The following SUMF1 variants were observed in gnomAD, a reference collection of about 807,000 sequenced individuals.
SUMF1 encodes sulfatase modifying factor 1.
A neutral mutation model predicts 47.6 loss-of-function variants in SUMF1; 48 were observed. The observed-to-expected ratio is 1.01, with a 90% CI of 0.80 to 1.28. The LOEUF is 1.28. Ranked by LOEUF, SUMF1 falls within the 50% of genes most tolerant of loss-of-function variation. The pLI, the probability that SUMF1 is intolerant of heterozygous loss-of-function variation, is 0.00. For missense variants in SUMF1, 571 were observed against 485.4 expected (o/e 1.18, Z -1.66); for synonymous variants, 230 against 192.1 (o/e 1.20, Z -1.63).
intron 9 of SUMF1, among the ~76,000 whole-genome samples, chr3:4,037,429 T>A (rs1694819193): frequency 6.6e-6 from 1 of 152,148 alleles, no homozygotes; most frequent in Admixed American, 6.6e-5. Flanking sequence ...TACATCGGAA[T>A]AAAATTTCAC....
rs112048040 is a variant in SUMF1, at chr3:4,121,058, A to C, written c.1015-52313T>G. ...TTACCGGATGGAAAAACACTGGACC[A>C]GACTTCAGACCAGGGTAATAAACAG... On this transcript the variant is annotated intron_variant and NMD_transcript_variant, in intron 8 of 12. Transcript: ENST00000448413. 5.3e-5 allele frequency among the ~76,000 whole-genome samples: 8 copies of C among 152,304 alleles called. 1 individual carries two copies. Among genetic ancestry groups the C allele is most frequent in the African/African-American group, 1.9e-4 (8 of 41,574 alleles).
chr3:4,437,540 T>C (rs1473325312), intron 3 of SUMF1, among the ~76,000 whole-genome samples: 2 of 152,106 alleles, frequency 1.3e-5, no homozygotes, highest in Admixed American at 6.6e-5. Context: ...ACAATAAATA[T>C]AAAAGAACTA....
intron 8 of SUMF1, among the ~76,000 whole-genome samples, chr3:4,196,815 A>G (rs1257484079): frequency 2.0e-5 from 3 of 152,152 alleles, no homozygotes; most frequent in Non-Finnish European, 4.4e-5. Context: ...GAGATTAAAT[A>G]CTAGGGAACC....
At chr3:4,377,770 G>A (rs1267016379) in intron 7 of SUMF1, among the ~76,000 whole-genome samples, 2 of 152,192 alleles carry the variant, frequency 1.3e-5, no homozygotes, top group East Asian at 3.8e-4. Context: ...TAATAAGCCA[G>A]AACCGTATCA....
In SUMF1 at chr3:4,292,878, T is replaced by C. The variant is rs981181266; in HGVS notation, c.1014+83452A>G. On this transcript the variant is annotated intron_variant and NMD_transcript_variant, in intron 8 of 12. Transcript: ENST00000448413. ...CACATATTTCATCTGCAGTGAGAAG[T>C]GGTTTCCTGTGTCATTAACCCTGTA... Among the ~76,000 whole-genome samples the C allele has an allele frequency of 5.3e-5, 8 of 152,182 alleles. No individual in the cohort carries two copies. In the South Asian group the frequency reaches 8.3e-4, roughly 16 times the overall value.
intron 8 of SUMF1, among the ~76,000 whole-genome samples, chr3:4,315,281 A>G (rs1194309676): frequency 2.0e-5 from 3 of 152,078 alleles, no homozygotes; most frequent in Non-Finnish European, 4.4e-5. Flanking sequence ...AGCTCACCTA[A>G]TAACTGAGCT....
chr3:4,358,175 T>G (rs1228694226), downstream of SUMF1, among the ~76,000 whole-genome samples: 1 of 151,924 alleles, frequency 6.6e-6, no homozygotes, highest in Non-Finnish European at 1.5e-5. Flanking sequence ...TCTAATCACG[T>G]TTACAGCTTT....
chr3:4,269,165 A>G (rs1390221396), intron 8 of SUMF1, among the ~76,000 whole-genome samples: 1 of 152,072 alleles, frequency 6.6e-6, no homozygotes, highest in Non-Finnish European at 1.5e-5. Context: ...TGATCTTTAT[A>G]CACACAGAAT....
intron 8 of SUMF1, among the ~76,000 whole-genome samples, chr3:4,166,740 T>C (rs898843537): frequency 6.6e-6 from 1 of 152,246 alleles, no homozygotes; most frequent in Admixed American, 6.5e-5. Context: ...GTTCCACTTA[T>C]GGCTGCAGGG....
At chr3:4,104,509 C>A (rs187565502) in intron 8 of SUMF1, among the ~76,000 whole-genome samples, 220 of 152,076 alleles carry the variant, frequency 1.4e-3, no homozygotes, top group Non-Finnish European at 2.6e-3. Context: ...CTTTAGCTTC[C>A]CAGAGAGGTT....
intron 8 of SUMF1, among the ~76,000 whole-genome samples, chr3:4,107,422 C>G (rs1030119230): frequency 3.9e-5 from 6 of 152,078 alleles, no homozygotes; most frequent in Non-Finnish European, 5.9e-5. Context: ...ACACAGCTGC[C>G]TAAGGATACA....
In SUMF1 at chr3:4,255,780, A is replaced by G. The variant is rs1303628850; in HGVS notation, c.1014+120550T>C. ...CCAAGCGGACCTAATAGACATCTAC[A>G]GAACTCTCCACCCCAAATCAACAGA... On this transcript the variant is annotated intron_variant and NMD_transcript_variant, in intron 8 of 12. Transcript: ENST00000448413. Among the ~76,000 whole-genome samples, 19 of 114,920 alleles carry G rather than the reference A, an allele frequency of 1.7e-4. 1 individual carries two copies. Among genetic ancestry groups the G allele is most frequent in the African/African-American group, 7.2e-4 (19 of 26,360 alleles). The allele number at this position is 114,920 out of a possible 152,430, so 75.4% of individuals were successfully genotyped here.
intron 8 of SUMF1, among the ~76,000 whole-genome samples, chr3:4,107,010 A>C (rs749790662): frequency 2.0e-5 from 3 of 152,084 alleles, no homozygotes; most frequent in Non-Finnish European, 2.9e-5. Flanking sequence ...CTGTACCTAG[A>C]GGGCTTTGAG....
At position 4,273,552 on chromosome 3, in the gene SUMF1, A is replaced by G. The variant is rs1697345810; in HGVS notation, c.1014+102778T>C. 2.0e-5 allele frequency among the ~76,000 whole-genome samples: 3 copies of G among 152,146 alleles called. No individual in the cohort carries two copies. In the East Asian group the frequency reaches 5.8e-4, roughly 29 times the overall value. ...TGAAAATGTCATGAGCAATCTTTGG[A>G]GATCATAGAAATGTTCCAACATTGA... is the stretch of plus-strand genomic sequence containing the variant. On this transcript the variant is annotated intron_variant and NMD_transcript_variant, in intron 8 of 12. Coordinates refer to the SUMF1 transcript ENST00000448413.
chr3:4,160,919 A>G (rs919538191), intron 8 of SUMF1, among the ~76,000 whole-genome samples: 3 of 152,034 alleles, frequency 2.0e-5, no homozygotes, highest in African/African-American at 7.2e-5. Flanking sequence ...AGAGTTATTT[A>G]TTGTAGTCTT....
intron 8 of SUMF1, among the ~76,000 whole-genome samples, chr3:4,373,433 T>G (rs1033762334): frequency 6.7e-6 from 1 of 149,480 alleles, no homozygotes; most frequent in Non-Finnish European, 1.5e-5. Flanking sequence ...TAGTCCTACA[T>G]CTATTTAAAA....
chr3:4,305,188 C>T (rs914403372), intron 8 of SUMF1, among the ~76,000 whole-genome samples: 4 of 152,084 alleles, frequency 2.6e-5, no homozygotes, highest in African/African-American at 7.2e-5. Flanking sequence ...CAGGTTCAAG[C>T]GATTCTTCCA....
chr3:4,443,730 A>G (rs374198481), intron 3 of SUMF1, among the ~76,000 whole-genome samples: 6 of 152,218 alleles, frequency 3.9e-5, no homozygotes, highest in African/African-American at 1.4e-4. Context: ...GTGCCACTGC[A>G]CTCCAGCCAG....
At chr3:4,430,884 C>T (rs529999029) in intron 3 of SUMF1, among the ~76,000 whole-genome samples, 1 of 152,118 alleles carries the variant, frequency 6.6e-6, no homozygotes, top group African/African-American at 2.4e-5. Context: ...ACACAGGAGG[C>T]CACCTGTATT....
Sources: gnomAD v4.1 joint callset for allele counts (sites outside exome capture counted in the v4.1 genomes callset) on GRCh38, gnomAD v4.1.1 for gene constraint, MANE v1.5 for transcripts, NCBI Gene and HGNC (gene_info 2026-07-23, HGNC 2026-07-21) for gene names.